The following TBC1D5 variants were observed in gnomAD, a reference collection of about 807,000 sequenced individuals.
TBC1D5 encodes the protein TBC1 domain family, member 5.
Under a neutral mutation model 100.3 loss-of-function variants are expected in TBC1D5, and 75 were observed. The observed-to-expected ratio is 0.75, with a 90% confidence interval of 0.62 to 0.91. TBC1D5 has a LOEUF of 0.91. Among genes scored for constraint, TBC1D5 ranks in the 40% least tolerant of loss-of-function variants. The pLI is 0.00. For missense variants in TBC1D5, 910 were observed against 942.4 expected, an observed-to-expected ratio of 0.97 and a Z score of 0.45; for synonymous variants, 323 against 325.6, an observed-to-expected ratio of 0.99 and a Z score of 0.09.
intron 13 of TBC1D5, among the ~76,000 whole-genome samples, chr3:17,370,993 G>C (rs9848766): frequency 0.5 from 76,019 of 151,748 alleles, 20,543 homozygotes; most frequent in African/African-American, 0.68. Context: ...GTCTGTAGCA[G>C]TGCATAGATA....
intron 3 of TBC1D5, among the ~76,000 whole-genome samples, chr3:17,429,000 A>G (rs570835289): frequency 3.3e-5 from 5 of 151,996 alleles, no homozygotes; most frequent in Non-Finnish European, 7.4e-5. Context: ...AGAGGTAGTG[A>G]TTAATTAATG....
intron 15 of TBC1D5, among the ~76,000 whole-genome samples, chr3:17,286,067 A>G (rs1475108559): frequency 2.0e-5 from 3 of 152,206 alleles, no homozygotes; most frequent in African/African-American, 7.2e-5. Flanking sequence ...GTAGCCGTCA[A>G]ATTCTTACTG....
intron 3 of TBC1D5, among the ~76,000 whole-genome samples, chr3:17,494,245 C>T (rs922341990): frequency 2.6e-5 from 4 of 152,132 alleles, no homozygotes; most frequent in African/African-American, 7.2e-5. Flanking sequence ...GTAGGCATCA[C>T]CACTGGAGAC....
chr3:17,520,937 G>A (rs2096057395), intron 2 of TBC1D5, among the ~76,000 whole-genome samples: 1 of 152,158 alleles, frequency 6.6e-6, no homozygotes, highest in Non-Finnish European at 1.5e-5. Flanking sequence ...AGGCAGGAAA[G>A]ACATGTTTTT....
chr3:17,204,184 G>A (rs914792978), intron 18 of TBC1D5, among the ~76,000 whole-genome samples: 1 of 152,126 alleles, frequency 6.6e-6, no homozygotes, highest in African/African-American at 2.4e-5. Context: ...GTGTAGGAGA[G>A]GGTGGTGATG....
intron 18 of TBC1D5, among the ~76,000 whole-genome samples, chr3:17,188,772 C>T (rs1339950393): frequency 2.6e-5 from 4 of 152,222 alleles, no homozygotes; most frequent in East Asian, 3.8e-4. Flanking sequence ...CACACTCCTC[C>T]CAACTAACAA....
At chr3:17,352,694 A>AAAAAAC (rs1477740735) in intron 13 of TBC1D5, among the ~76,000 whole-genome samples, 3 of 150,582 alleles carry the variant, frequency 2.0e-5, no homozygotes, top group African/African-American at 7.3e-5. Context: ...AAAAAAAAAA[A>AAAAAAC]AAAAACAAAA....
chr3:17,484,432 T>C (rs1211320643), intron 3 of TBC1D5, among the ~76,000 whole-genome samples: 1 of 146,410 alleles, frequency 6.8e-6, no homozygotes, highest in Non-Finnish European at 1.5e-5. Flanking sequence ...AGGTGACTTT[T>C]AAAGATAATA....
At chr3:17,478,080 C>T (rs1559975374) in intron 3 of TBC1D5, among the ~76,000 whole-genome samples, 1 of 152,126 alleles carries the variant, frequency 6.6e-6, no homozygotes, top group African/African-American at 2.4e-5. Context: ...ATATGCAATA[C>T]ATTTTTAATC....
intron 14 of TBC1D5, among the ~76,000 whole-genome samples, chr3:17,299,337 T>A (rs2082586469): frequency 6.6e-6 from 1 of 152,196 alleles, no homozygotes; most frequent in East Asian, 1.9e-4. Context: ...GAGGTTTTTT[T>A]ATTTTTGGAA....
intron 3 of TBC1D5, among the ~76,000 whole-genome samples, chr3:17,462,400 C>T (rs1328842020): frequency 1.3e-5 from 2 of 151,104 alleles, no homozygotes; most frequent in Non-Finnish European, 2.9e-5. Flanking sequence ...TAGCTCACCG[C>T]AGCCTCAAAC....
intron 3 of TBC1D5, among the ~76,000 whole-genome samples, chr3:17,506,972 C>T (rs1300822949): frequency 1.3e-5 from 2 of 152,088 alleles, no homozygotes; most frequent in Admixed American, 6.6e-5. Flanking sequence ...GCCGAGATTG[C>T]GCCATTGCAC....
intron 18 of TBC1D5, among the ~76,000 whole-genome samples, chr3:17,198,049 A>G (rs559346504): frequency 2.6e-5 from 4 of 152,216 alleles, no homozygotes; most frequent in African/African-American, 9.6e-5. Flanking sequence ...GAAAAAAAGA[A>G]CAGTTCTGAA....
intron 18 of TBC1D5, among the ~76,000 whole-genome samples, chr3:17,209,318 A>G (rs2072647786): frequency 2.0e-5 from 3 of 152,080 alleles, no homozygotes. Flanking sequence ...GGCTAATTAA[A>G]AACAAATTTT....
At chr3:17,246,855 A>G (rs1285342296) in intron 16 of TBC1D5, among the ~76,000 whole-genome samples, 2 of 152,230 alleles carry the variant, frequency 1.3e-5, no homozygotes, top group African/African-American at 4.8e-5. Context: ...TGTGCTGCCC[A>G]AAGCCTGTAC....
chr3:17,667,915 A>G (rs1474849588), intron 1 of TBC1D5, among the ~76,000 whole-genome samples: 1 of 151,766 alleles, frequency 6.6e-6, no homozygotes, highest in Non-Finnish European at 1.5e-5. Context: ...CTCCAGGAAT[A>G]TTTAATTTGT....
intron 1 of TBC1D5, among the ~76,000 whole-genome samples, chr3:17,730,641 C>T (rs1404793012): frequency 6.6e-6 from 1 of 152,126 alleles, no homozygotes; most frequent in Non-Finnish European, 1.5e-5. Context: ...ATGAGTCCTA[C>T]AAAAATCATA....
At chr3:17,295,012 A>G (rs2082111451) in intron 14 of TBC1D5, among the ~76,000 whole-genome samples, 1 of 152,202 alleles carries the variant, frequency 6.6e-6, no homozygotes, top group African/African-American at 2.4e-5. Flanking sequence ...TCTTTTCCCA[A>G]TATTTATTCT....
At chr3:17,283,170 G>A (rs544679794) in intron 15 of TBC1D5, among the ~76,000 whole-genome samples, 1 of 152,334 alleles carries the variant, frequency 6.6e-6, no homozygotes, top group East Asian at 1.9e-4. Flanking sequence ...TCTTTCTGCA[G>A]TGGTGTCTGT....
Sources: allele counts gnomAD v4.1 joint callset (sites outside exome capture counted in the v4.1 genomes callset), GRCh38; gene constraint gnomAD v4.1.1; transcripts MANE v1.5; gene names NCBI Gene and HGNC (gene_info 2026-07-23, HGNC 2026-07-21).